Variants in RAD51B observed in about 807,000 individuals in gnomAD.
RAD51B encodes RAD51 paralog B.
RAD51B carries 38 observed loss-of-function variants against 42.2 expected under a neutral mutation model. The observed-to-expected ratio is 0.90, with a 90% CI of 0.70 to 1.18. The LOEUF (loss-of-function observed/expected upper bound fraction) is 1.18, where lower values mean the gene tolerates loss of function less well. Among genes scored for constraint, RAD51B ranks in the 50% most tolerant of loss-of-function variants. The probability of loss-of-function intolerance (pLI) is 0.00; values close to 1 mark genes in which losing one functional copy is unlikely to be tolerated. For synonymous variants in RAD51B, 154 were observed against 145.2 expected, an observed-to-expected ratio of 1.06 and a Z score of -0.43; for missense variants, 373 against 400.7, an observed-to-expected ratio of 0.93 and a Z score of 0.59.
At chr14:68,155,312 C>T (rs1336499689) in intron 7 of RAD51B, among the ~76,000 whole-genome samples, 4 of 151,916 alleles carry the variant, frequency 2.6e-5, no homozygotes, top group Non-Finnish European at 5.9e-5. Context: ...CTGCCTCAGC[C>T]TCCCAAGTAG....
chr14:68,184,607 C>CT (rs749936298), intron 7 of RAD51B, among the ~76,000 whole-genome samples: 4 of 24,526 alleles, frequency 1.6e-4, no homozygotes, highest in Non-Finnish European at 2.5e-4. Context: ...AAGGCCCTGT[C>CT]TAAAAAAAAA....
chr14:67,946,987 T>G (rs777895198), intron 7 of RAD51B, among the ~76,000 whole-genome samples: 1 of 152,216 alleles, frequency 6.6e-6, no homozygotes, highest in African/African-American at 2.4e-5. Flanking sequence ...TCTAATATAT[T>G]TGATAAAATA....
At chr14:67,994,163 G>T in intron 7 of RAD51B, among the ~76,000 whole-genome samples, 1 of 150,488 alleles carries the variant, frequency 6.6e-6, no homozygotes, top group African/African-American at 2.4e-5. Flanking sequence ...TTTCCATATT[G>T]CTTTTTGAAA....
chr14:68,183,595 T>C (rs774416064), intron 7 of RAD51B, among the ~76,000 whole-genome samples: 1 of 152,194 alleles, frequency 6.6e-6, no homozygotes, highest in Non-Finnish European at 1.5e-5. Flanking sequence ...ACATCTGTTA[T>C]CCTATTGATC....
chr14:67,916,627 C>T (rs960429565), intron 7 of RAD51B, among the ~76,000 whole-genome samples: 3 of 152,044 alleles, frequency 2.0e-5, no homozygotes, highest in Admixed American at 6.6e-5. Flanking sequence ...TTTATTTTAG[C>T]CACAGACATG....
intron 9 of RAD51B, among the ~76,000 whole-genome samples, chr14:68,439,153 TAC>T (rs10565900): frequency 7.8e-4 from 93 of 119,242 alleles, no homozygotes; most frequent in East Asian, 4.5e-3. Context: ...TGTATTTTTG[TAC>T]ACACACACAC....
intron 7 of RAD51B, among the ~76,000 whole-genome samples, chr14:67,969,135 C>T (rs944272719): frequency 1.3e-5 from 2 of 152,170 alleles, no homozygotes; most frequent in African/African-American, 4.8e-5. Flanking sequence ...TTCAAACCAT[C>T]TCCCACTGGG....
At chr14:68,187,023 C>T (rs2079172178) in intron 7 of RAD51B, among the ~76,000 whole-genome samples, 1 of 152,098 alleles carries the variant, frequency 6.6e-6, no homozygotes. Context: ...TACTATGCAG[C>T]CATAAAAAGA....
At chr14:68,671,643 T>C (rs1893160622) in intron 11 of RAD51B, among the ~76,000 whole-genome samples, 1 of 152,048 alleles carries the variant, frequency 6.6e-6, no homozygotes. Flanking sequence ...TTGCCTACCA[T>C]AGACAGTTTA....
chr14:67,866,168 G>A (rs2042331196), intron 5 of RAD51B, among the ~76,000 whole-genome samples: 1 of 152,190 alleles, frequency 6.6e-6, no homozygotes, highest in East Asian at 1.9e-4. Flanking sequence ...TTAAAAAATA[G>A]TTGGAAGGGG....
intron 7 of RAD51B, among the ~76,000 whole-genome samples, chr14:68,234,056 CT>C (rs1481810805): frequency 6.6e-6 from 1 of 152,058 alleles, no homozygotes; most frequent in African/African-American, 2.4e-5. Context: ...GGGAAAGCTG[CT>C]GTATAGTCTG....
At chr14:68,150,775 A>G (rs746891583) in intron 7 of RAD51B, among the ~76,000 whole-genome samples, 14 of 152,158 alleles carry the variant, frequency 9.2e-5, no homozygotes, top group Non-Finnish European at 1.8e-4. Flanking sequence ...AGGATTTGAC[A>G]GTATATATCT....
At chr14:68,065,021 T>A (rs1230990098) in intron 7 of RAD51B, among the ~76,000 whole-genome samples, 1 of 152,232 alleles carries the variant, frequency 6.6e-6, no homozygotes, top group East Asian at 1.9e-4. Flanking sequence ...GGTGGTGTCA[T>A]GTTTCATTGC....
Position 68,445,032 on chromosome 14 carries a change from A to G in RAD51B, c.958-23140A>G, listed in dbSNP as rs750933057. 2.1e-4 allele frequency among the ~76,000 whole-genome samples: 32 copies of G among 152,236 alleles called. 1 individual carries two copies. Among genetic ancestry groups the G allele is most frequent in the Non-Finnish European group, 2.9e-4 (20 of 68,016 alleles). The stretch of plus-strand genomic sequence containing the variant: ...GGCTCTGTGGCTTTCTTTGATATGC[A>G]ACTGAACTTTGGCAAATTTTTCCTC... On this transcript the variant is annotated intron_variant, in intron 9 of 10. Coordinates refer to ENST00000471583, the MANE Select transcript of RAD51B (RefSeq NM_133510.4).
intron 10 of RAD51B, chr14:68,497,272 G>T: frequency 7.6e-7 from 1 of 1,317,980 alleles, no homozygotes; most frequent in Admixed American, 2.7e-5. Context: ...GGTTGCTACT[G>T]TGTAGACTCA....
chr14:67,889,864 AT>A (rs1163197366), intron 7 of RAD51B, among the ~76,000 whole-genome samples: 1 of 152,212 alleles, frequency 6.6e-6, no homozygotes, highest in Non-Finnish European at 1.5e-5. Flanking sequence ...TTCACAGAGA[AT>A]TTTATAGACC....
chr14:68,563,980 T>C, intron 10 of RAD51B: 1 of 931,060 alleles, frequency 1.1e-6, no homozygotes, highest in Non-Finnish European at 1.3e-6. Context: ...TACACACCCT[T>C]TTCATTATGT....
At chr14:68,146,821 T>C (rs2078262236) in intron 7 of RAD51B, among the ~76,000 whole-genome samples, 1 of 152,016 alleles carries the variant, frequency 6.6e-6, no homozygotes, top group Non-Finnish European at 1.5e-5. Flanking sequence ...AGTATAGCAG[T>C]GTTGGGAGGG....
At chr14:67,965,862 C>T (rs1009722887) in intron 7 of RAD51B, among the ~76,000 whole-genome samples, 2 of 152,004 alleles carry the variant, frequency 1.3e-5, no homozygotes, top group Non-Finnish European at 2.9e-5. Flanking sequence ...AAATAAACCA[C>T]GTGCATAGAC....
Sources: allele counts gnomAD v4.1 joint callset (sites outside exome capture counted in the v4.1 genomes callset), GRCh38; gene constraint gnomAD v4.1.1; transcripts MANE v1.5; gene names NCBI Gene and HGNC (gene_info 2026-07-23, HGNC 2026-07-21).